The following COG5 variants were observed in gnomAD, a reference collection of about 807,000 sequenced individuals.
The protein encoded by COG5 is component of oligomeric golgi complex 5, also known as conserved oligomeric Golgi complex subunit 5.
Under a neutral mutation model 110.4 loss-of-function variants are expected in COG5, and 86 were observed. The observed-to-expected ratio is 0.78, with a 90% CI of 0.65 to 0.93. The LOEUF (loss-of-function observed/expected upper bound fraction) is 0.93, where lower values mean the gene tolerates loss of function less well. Ranked by LOEUF, COG5 falls within the 40% of genes least tolerant of loss-of-function variation. COG5 has a pLI of 0.00. For missense variants in COG5, 1,077 were observed against 987.0 expected (o/e 1.09, Z -1.22); for synonymous variants, 360 against 334.6 (o/e 1.08, Z -0.83).
intron 1 of COG5, among the ~76,000 whole-genome samples, chr7:107,562,663 G>C (rs1040613056): frequency 3.3e-5 from 5 of 152,192 alleles, no homozygotes; most frequent in African/African-American, 1.2e-4. Context: ...TTTAGACAGA[G>C]ACCCGGTCCT....
chr7:107,412,519 G>T lies in COG5; in HGVS notation c.652C>A (p.Gln218Lys). 6.2e-7 allele frequency: 1 copy of T among 1,612,816 alleles called. No homozygotes were observed. The stretch of plus-strand genomic sequence containing the variant: ...TTTATTACCTGAGTCTCCAAACCCT[G>T]CTCTAGTAGGCGCTTAGCTTGATTT... ...VENQAKRLLEQGLETQNPTQV... is the reference protein window; with the variant it reads ...VENQAKRLLEKGLETQNPTQV... Residue 218 changes from glutamine to lysine, a missense_variant, in exon 7 of 22, where the codon CAG (glutamine) becomes AAG (lysine). By Grantham distance (53) the Gln-to-Lys change is moderately conservative (BLOSUM62 1). Transcript: ENST00000297135.
chr7:107,378,453 G>A (rs1252510661), intron 7 of COG5, among the ~76,000 whole-genome samples: 1 of 152,122 alleles, frequency 6.6e-6, no homozygotes, highest in African/African-American at 2.4e-5. Flanking sequence ...GGCTTCAGAA[G>A]GTGGGTAATA....
intron 6 of COG5, among the ~76,000 whole-genome samples, chr7:107,466,647 T>G (rs2129105010): frequency 6.6e-6 from 1 of 152,326 alleles, no homozygotes; most frequent in East Asian, 1.9e-4. Context: ...CCATTTCTAT[T>G]TTTCTGATAA....
At chr7:107,331,339 G>T (rs889148427) in intron 10 of COG5, among the ~76,000 whole-genome samples, 1 of 151,960 alleles carries the variant, frequency 6.6e-6, no homozygotes, top group African/African-American at 2.4e-5. Context: ...GTGGTGGCGG[G>T]TGCCTATAGT....
chr7:107,407,407 A>T (rs1307398568), intron 7 of COG5, among the ~76,000 whole-genome samples: 5 of 152,136 alleles, frequency 3.3e-5, no homozygotes, highest in Non-Finnish European at 1.5e-5. Flanking sequence ...AAAAATAAAC[A>T]TTAAGACCAT....
At chr7:107,283,768 T>C (rs777745529) in intron 12 of COG5, 36 bp from the exon 13 acceptor site, 12 of 1,507,726 alleles carry the variant, frequency 8.0e-6, no homozygotes, top group South Asian at 3.4e-5. Context: ...CTAACTTAAA[T>C]TGCACAGAGC....
chr7:107,422,158 A>G (rs1481920733), intron 6 of COG5, among the ~76,000 whole-genome samples: 2 of 152,186 alleles, frequency 1.3e-5, no homozygotes, highest in Non-Finnish European at 2.9e-5. Flanking sequence ...CCAAAAGTTG[A>G]CTCTTTGAAA....
intron 10 of COG5, among the ~76,000 whole-genome samples, chr7:107,350,938 C>A (rs1812081618): frequency 1.3e-5 from 2 of 152,268 alleles, no homozygotes; most frequent in East Asian, 3.9e-4. Flanking sequence ...TTACATGTAT[C>A]TATATATGCA....
intron 6 of COG5, among the ~76,000 whole-genome samples, chr7:107,419,793 C>T (rs1477099065): frequency 6.6e-6 from 1 of 152,116 alleles, no homozygotes; most frequent in Non-Finnish European, 1.5e-5. Flanking sequence ...GTCTCGAACT[C>T]CTGACCTAAG....
intron 6 of COG5, among the ~76,000 whole-genome samples, chr7:107,523,107 A>C (rs568326452): frequency 3.3e-5 from 5 of 152,246 alleles, no homozygotes; most frequent in Non-Finnish European, 7.3e-5. Context: ...GGAAGAACAT[A>C]CATCTTAATA....
chr7:107,479,311 CAGAA>C (rs1230544116), intron 6 of COG5, among the ~76,000 whole-genome samples: 2 of 151,964 alleles, frequency 1.3e-5, no homozygotes, highest in East Asian at 1.9e-4. Context: ...GGTCATAAGA[CAGAA>C]AGCCTTCTAT....
intron 6 of COG5, among the ~76,000 whole-genome samples, chr7:107,445,908 T>C (rs1414577729): frequency 6.6e-6 from 1 of 152,054 alleles, no homozygotes; most frequent in Non-Finnish European, 1.5e-5. Context: ...TTGTCAAAAA[T>C]ACATAAATAC....
chr7:107,402,408 T>C (rs1791502617), intron 7 of COG5, among the ~76,000 whole-genome samples: 1 of 152,152 alleles, frequency 6.6e-6, no homozygotes, highest in African/African-American at 2.4e-5. Context: ...ACCTTGAACC[T>C]CCAGAAAGTC....
At chr7:107,549,557 A>G (rs77389567) in intron 3 of COG5, among the ~76,000 whole-genome samples, 1 of 133,314 alleles carries the variant, frequency 7.5e-6, no homozygotes, top group Non-Finnish European at 1.6e-5. Context: ...ACGCCCAGCT[A>G]ATTTTTTTTT....
chr7:107,562,735 A>G (rs1386247014), intron 1 of COG5, among the ~76,000 whole-genome samples: 2 of 152,238 alleles, frequency 1.3e-5, no homozygotes, highest in African/African-American at 4.8e-5. Flanking sequence ...TACATAAATT[A>G]TCATGAAAAG....
At chr7:107,537,023 G>C (rs879602254) in intron 5 of COG5, among the ~76,000 whole-genome samples, 3 of 152,128 alleles carry the variant, frequency 2.0e-5, no homozygotes, top group Non-Finnish European at 2.9e-5. Flanking sequence ...ACAAGCAATG[G>C]GGAAAGGATT....
chr7:107,505,840 C>T (rs1584906540), intron 6 of COG5, among the ~76,000 whole-genome samples: 1 of 152,146 alleles, frequency 6.6e-6, no homozygotes, highest in Admixed American at 6.5e-5. Context: ...ACTGTGAATG[C>T]TGTTGTTCCT....
In COG5 at chr7:107,474,421, T is replaced by G; in HGVS notation, c.538+52816A>C. ...TCTCATTTGCTGTTTCCATGAGGCT[T>G]GTGTATCTTTTGCAAGTGTCTCAAC... On this transcript the variant is annotated intron_variant, in intron 6 of 21. Coordinates refer to ENST00000297135, the MANE Select transcript of COG5 (RefSeq NM_006348.5). The surrounding 1 kb of genome is among the most constrained non-coding windows in gnomAD (Gnocchi z 5.7). 1 of 1,613,140 alleles carries G rather than the reference T, an allele frequency of 6.2e-7. No individual in the cohort carries two copies. Among genetic ancestry groups the G allele is most frequent in the Non-Finnish European group, 8.5e-7 (1 of 1,179,290 alleles).
At chr7:107,263,593 A>G (rs982544387) in intron 14 of COG5, among the ~76,000 whole-genome samples, 2 of 152,234 alleles carry the variant, frequency 1.3e-5, no homozygotes, top group Non-Finnish European at 2.9e-5. Flanking sequence ...GCAGACACAC[A>G]CAAGGAATGA....
Sources: gnomAD v4.1 joint callset for allele counts (sites outside exome capture counted in the v4.1 genomes callset) on GRCh38, gnomAD v4.1.1 for gene constraint, Gnocchi (gnomAD v3.1) non-coding constraint, MANE v1.5 for transcripts, NCBI Gene and HGNC (gene_info 2026-07-23, HGNC 2026-07-21) for gene names.